SPINK14: variants seen among roughly 807,000 people sequenced by gnomAD.
SPINK14 encodes the protein serine protease inhibitor Kazal-type 14.
A neutral mutation model predicts 14.2 loss-of-function variants in SPINK14; 6 were observed. The observed-to-expected ratio is 0.42, with a 90% CI of 0.23 to 0.83. The LOEUF (loss-of-function observed/expected upper bound fraction) is 0.83, where lower values mean the gene tolerates loss of function less well. Ranked by LOEUF, SPINK14 falls within the 40% of genes least tolerant of loss-of-function variation. The probability of loss-of-function intolerance (pLI) is 0.28; values close to 1 mark genes in which losing one functional copy is unlikely to be tolerated. For missense variants in SPINK14, 86 were observed against 108.3 expected (o/e 0.79, Z 0.91); for synonymous variants, 34 against 36.8 (o/e 0.92, Z 0.27).
rs1755157982 is a variant in SPINK14, at chr5:148,175,574, G to A, written c.*176G>A. Reference sequence around the variant, plus strand: ...CCATGGACCTCTCCCCTCACTGACTGATTGCCTTCCATAGTCTCCCTAATA... The same window carrying A: ...CCATGGACCTCTCCCCTCACTGACTAATTGCCTTCCATAGTCTCCCTAATA... On this transcript the variant is annotated 3_prime_UTR_variant, in exon 5 of 5. Coordinates refer to ENST00000356972, the MANE Select transcript of SPINK14 (RefSeq NM_001001325.2). 6.6e-6 allele frequency among the ~76,000 whole-genome samples: 1 copy of A among 151,996 alleles called. No individual in the cohort carries two copies. Among genetic ancestry groups the A allele is most frequent in the South Asian group, 2.1e-4 (1 of 4,818 alleles).
At chr5:148,172,820 T>C (rs1755125027) in intron 3 of SPINK14, among the ~76,000 whole-genome samples, 1 of 151,712 alleles carries the variant, frequency 6.6e-6, no homozygotes, top group East Asian at 1.9e-4. Context: ...GACCTTGAGG[T>C]GAGGGAAAGA....
intron 3 of SPINK14, among the ~76,000 whole-genome samples, chr5:148,173,667 C>T (rs1411829226): frequency 2.1e-5 from 2 of 94,840 alleles, no homozygotes; most frequent in African/African-American, 4.4e-5. Flanking sequence ...ATCTATTTAT[C>T]TACTCTTCTT....
chr5:148,170,943 A>G lies in SPINK14; in HGVS notation c.81A>G (p.Arg27=). The part of the protein sequence containing the change: ...HLVLSSVSGP[R]HWWPPRGIIK... ...TGTATTCTCTAGTTTCAGGCCCTAG[A>G]CACTGGTGGCCACCACGTGGAATTA... The change falls in exon 3 of 5, where the codon AGA becomes AGG. Residue 27 remains arginine, a synonymous_variant. Coordinates refer to ENST00000356972, the MANE Select transcript of SPINK14 (RefSeq NM_001001325.2). The G allele has an allele frequency of 1.9e-6, 3 of 1,612,644 alleles. No homozygotes were observed. Among genetic ancestry groups the G allele is most frequent in the Non-Finnish European group, 2.5e-6 (3 of 1,178,988 alleles).
At chr5:148,170,158 GTA>G (rs758904018) in intron 2 of SPINK14, among the ~76,000 whole-genome samples, 5,151 of 141,356 alleles carry the variant, frequency 0.036, 328 homozygotes, top group African/African-American at 0.13. Context: ...CATACTCAGA[GTA>G]TATATATATA....
In SPINK14 at chr5:148,175,498, T is replaced by C; in HGVS notation, c.*100T>C. 1.1e-6 allele frequency: 1 copy of C among 907,628 alleles called. No homozygotes were observed. The highest frequency in any genetic ancestry group is 1.5e-5 in the South Asian group (1 of 66,018). 56.2% of individuals were successfully genotyped at this position (907,628 alleles called of 1,614,324 possible). A position where few individuals can be genotyped will look rare whatever the true frequency, so the allele number is the denominator to read the frequency against. ...TACATCTCCTTGCATTTGTTCTTCATGACAAAGAGCTATCACTACTGAGCT... is the reference window on the plus strand; with the variant it reads ...TACATCTCCTTGCATTTGTTCTTCACGACAAAGAGCTATCACTACTGAGCT... On this transcript the variant is annotated 3_prime_UTR_variant, in exon 5 of 5. Coordinates refer to ENST00000356972, the MANE Select transcript of SPINK14 (RefSeq NM_001001325.2).
Position 148,175,396 on chromosome 5 carries a change from T to C in SPINK14, c.292T>C (p.Ter98GlnextTer34). The C allele has an allele frequency of 6.2e-7, 1 of 1,605,042 alleles. No homozygotes were observed. The highest frequency in any genetic ancestry group is 1.1e-5 in the South Asian group (1 of 90,104). The change falls in exon 5 of 5, where the codon TAG becomes CAG. Residue 98 changes from the stop codon to glutamine (Q), a stop_lost. Coordinates refer to ENST00000356972, the MANE Select transcript of SPINK14 (RefSeq NM_001001325.2). ...RIRFYHDGKC[*>Q] ...CAGGTTTTACCATGATGGAAAATGTTAGCTGAGTGGACTTGAATGTGGAAG... is the reference window on the plus strand; with the variant it reads ...CAGGTTTTACCATGATGGAAAATGTCAGCTGAGTGGACTTGAATGTGGAAG...
chr5:148,174,566 C>T, intron 4 of SPINK14, among the ~76,000 whole-genome samples, 196 bp downstream of exon 4: 1 of 97,938 alleles, frequency 1.0e-5, no homozygotes, highest in Admixed American at 9.3e-5. Flanking sequence ...CTCATTGTAC[C>T]GAATGACATT....
At chr5:148,170,173 T>TACAC (rs376416343) in intron 2 of SPINK14, among the ~76,000 whole-genome samples, 13 of 133,860 alleles carry the variant, frequency 9.7e-5, no homozygotes, top group East Asian at 4.3e-4. Context: ...TATATATATA[T>TACAC]ACACACACAC....
intron 4 of SPINK14, among the ~76,000 whole-genome samples, chr5:148,175,009 A>T (rs1218866270): frequency 1.3e-5 from 2 of 152,144 alleles, no homozygotes; most frequent in Admixed American, 1.3e-4. Flanking sequence ...AGCTCAGGTC[A>T]TCCCCACTAA....
chr5:148,170,979 G>C lies in SPINK14; in HGVS notation c.111+6G>C. On this transcript the variant is annotated splice_donor_region_variant and intron_variant, in intron 3 of 4. Transcript: ENST00000356972. ...CACCACGTGGAATTATTAAGGTAATGTTCCATTAAATTTCCCCCCAGGACT... is the reference window on the plus strand; with the variant it reads ...CACCACGTGGAATTATTAAGGTAATCTTCCATTAAATTTCCCCCCAGGACT... 1.2e-5 allele frequency: 20 copies of C among 1,611,682 alleles called. No homozygotes were observed. Among genetic ancestry groups the C allele is most frequent in the Non-Finnish European group, 1.7e-5 (20 of 1,178,266 alleles).
At chr5:148,169,603 AG>A in intron 1 of SPINK14, 57 bp from the exon 2 acceptor site, 1 of 630,334 alleles carries the variant, frequency 1.6e-6, no homozygotes, top group Non-Finnish European at 2.8e-6. Flanking sequence ...CAATGGGTGG[AG>A]TAGAGATGGC....
At chr5:148,172,993 C>T (rs958424253) in intron 3 of SPINK14, among the ~76,000 whole-genome samples, 8 of 151,468 alleles carry the variant, frequency 5.3e-5, no homozygotes, top group Admixed American at 2.0e-4. Context: ...TGAGGTTCGA[C>T]GAAAGGACCT....
chr5:148,170,047 C>G (rs7703690), intron 2 of SPINK14, among the ~76,000 whole-genome samples: 66,722 of 140,708 alleles, frequency 0.47, 16,179 homozygotes, highest in Middle Eastern at 0.57. Flanking sequence ...TAGACTCTCT[C>G]TGTCTCTATA....
intron 1 of SPINK14, among the ~76,000 whole-genome samples, chr5:148,169,158 C>T (rs1339118495): frequency 6.6e-6 from 1 of 152,098 alleles, no homozygotes; most frequent in Non-Finnish European, 1.5e-5. Context: ...CTGTGAATGT[C>T]CTCAAAGAGT....
intron 4 of SPINK14, 82 bp downstream of exon 4, chr5:148,174,452 A>G: frequency 2.4e-6 from 2 of 822,760 alleles, no homozygotes; most frequent in Non-Finnish European, 3.5e-6. Context: ...TATCAAGTAC[A>G]TCAACCTTGA....
chr5:148,170,360 A>G (rs1174242439), intron 2 of SPINK14, among the ~76,000 whole-genome samples: 1 of 152,030 alleles, frequency 6.6e-6, no homozygotes, highest in Non-Finnish European at 1.5e-5. Context: ...TAGCAATATA[A>G]TATGCATACA....
rs997307892 is a variant in SPINK14, at chr5:148,169,774, C to G, written c.42C>G (p.Ile14Met). The change falls in exon 2 of 5, where the codon ATC becomes ATG. Residue 14 changes from isoleucine to methionine, a missense_variant. Ile to Met is a conservative substitution (Grantham distance 10). Coordinates refer to ENST00000356972, the MANE Select transcript of SPINK14 (RefSeq NM_001001325.2). ...SFPVFSLLSFILIHLVLSSVS... is the reference protein window; with the variant it reads ...SFPVFSLLSFMLIHLVLSSVS... ...CAGTATTCTCACTTTTGTCCTTTAT[C>G]TTGATACATTTGGTGTTATCTTCTG... 5 of 1,610,640 alleles carry G rather than the reference C, an allele frequency of 3.1e-6. No homozygotes were observed. The African/African-American group carries it at 5.4e-5, about 17-fold the overall frequency.
intron 2 of SPINK14, 115 bp downstream of exon 2, chr5:148,169,914 A>C: frequency 1.9e-6 from 1 of 519,742 alleles, no homozygotes; most frequent in Non-Finnish European, 3.2e-6. Context: ...ATATATATAT[A>C]TGTGTATATA....
At chr5:148,173,168 C>A (rs923829339) in intron 3 of SPINK14, among the ~76,000 whole-genome samples, 3 of 148,412 alleles carry the variant, frequency 2.0e-5, no homozygotes, top group African/African-American at 7.3e-5. Flanking sequence ...TAAAACATGA[C>A]CCCCTTCTTT....
Sources: gnomAD v4.1 joint callset for allele counts (sites outside exome capture counted in the v4.1 genomes callset) on GRCh38, gnomAD v4.1.1 for gene constraint, MANE v1.5 for transcripts, NCBI Gene and HGNC (gene_info 2026-07-23, HGNC 2026-07-21) for gene names.